The following MEGF10 variants were observed in gnomAD, a reference collection of about 807,000 sequenced individuals.
MEGF10 encodes the protein multiple EGF like domains 10, also known as multiple epidermal growth factor-like domains protein 10.
Under a neutral mutation model 147.5 loss-of-function variants are expected in MEGF10, and 86 were observed. The observed-to-expected ratio is 0.58, with a 90% CI of 0.49 to 0.70. The LOEUF (loss-of-function observed/expected upper bound fraction) is 0.70. MEGF10 is among the 30% of genes least tolerant of loss of function. The pLI, the probability that MEGF10 is intolerant of heterozygous loss-of-function variation, is 0.00. For synonymous variants in MEGF10, 478 were observed against 525.5 expected (o/e 0.91, Z 1.24); for missense variants, 1,329 against 1,487.3 (o/e 0.89, Z 1.75).
the MEGF10 span, among the ~76,000 whole-genome samples, chr5:127,242,944 A>G: frequency 6.6e-6 from 1 of 152,176 alleles, no homozygotes; most frequent in African/African-American, 2.4e-5. Context: ...ACTTCGCCCT[A>G]TCACATTTCC....
At chr5:127,285,811 G>GTATT (rs1759010794), upstream of MEGF10, among the ~76,000 whole-genome samples, 1 of 152,026 alleles carries the variant, frequency 6.6e-6, no homozygotes, top group African/African-American at 2.4e-5. Context: ...CCACTACTGG[G>GTATT]TATTTAATCA....
At chr5:127,342,239 A>T (rs368390444) in intron 4 of MEGF10, among the ~76,000 whole-genome samples, 374 of 152,202 alleles carry the variant, frequency 2.5e-3, no homozygotes, top group African/African-American at 8.6e-3. Flanking sequence ...AGGGGTGGGG[A>T]TTGGGGAGGC....
chr5:127,263,900 C>A, the MEGF10 span, among the ~76,000 whole-genome samples: 1 of 152,080 alleles, frequency 6.6e-6, no homozygotes, highest in African/African-American at 2.4e-5. Context: ...GTGACCAGAG[C>A]CTGCACAATG....
chr5:127,448,620 C>G (rs1281780389), intron 21 of MEGF10, among the ~76,000 whole-genome samples: 1 of 152,134 alleles, frequency 6.6e-6, no homozygotes, highest in African/African-American at 2.4e-5. Context: ...AAATATCACT[C>G]CACATACCCC....
At chr5:127,438,595 C>G (rs1400921471) in intron 17 of MEGF10, 28 bp downstream of exon 17, 2 of 1,610,938 alleles carry the variant, frequency 1.2e-6, no homozygotes, top group Admixed American at 3.3e-5. Flanking sequence ...TGAGGCTCAC[C>G]AAGGGGAGCC....
At chr5:127,449,008 A>G in intron 21 of MEGF10, 91 bp from the exon 22 acceptor site, 2 of 1,531,662 alleles carry the variant, frequency 1.3e-6, no homozygotes, top group South Asian at 1.3e-5. Context: ...GGTCCTCAAT[A>G]TGTGCCCTGG....
At chr5:127,316,593 T>A (rs1398168825) in intron 1 of MEGF10, among the ~76,000 whole-genome samples, 1 of 152,210 alleles carries the variant, frequency 6.6e-6, no homozygotes, top group Non-Finnish European at 1.5e-5. Flanking sequence ...TAAATGATAA[T>A]CTTGACCTTC....
rs114909927 is a variant in MEGF10, at chr5:127,373,086, G to A, written c.412+3084G>A. ...TCATGTATATTTATTTGACATTTTG[G>A]GTTATAAAACAGTATTACATAATTT... is the stretch of plus-strand genomic sequence containing the variant. On this transcript the variant is annotated intron_variant, in intron 5 of 24. Coordinates refer to ENST00000503335, the MANE Select transcript of MEGF10 (RefSeq NM_001256545.2). Among the ~76,000 whole-genome samples the A allele has an allele frequency of 5.2e-3, 792 of 152,110 alleles. 7 individuals are homozygous for A. Among genetic ancestry groups the A allele is most frequent in the African/African-American group, 0.018 (728 of 41,470 alleles).
intron 9 of MEGF10, among the ~76,000 whole-genome samples, chr5:127,411,270 C>T (rs1190060591): frequency 6.6e-6 from 1 of 152,188 alleles, no homozygotes; most frequent in Non-Finnish European, 1.5e-5. Flanking sequence ...TTCTTTCCCT[C>T]CCCCAGGGAC....
chr5:127,393,950 C>G (rs992367623), intron 5 of MEGF10, among the ~76,000 whole-genome samples: 1 of 152,000 alleles, frequency 6.6e-6, no homozygotes, highest in Non-Finnish European at 1.5e-5. Flanking sequence ...TCTGTCCCCT[C>G]AGTTCCTCTA....
At chr5:127,380,067 G>GT (rs5871252) in intron 5 of MEGF10, among the ~76,000 whole-genome samples, 74,020 of 147,450 alleles carry the variant, frequency 0.5, 20,349 homozygotes, top group Middle Eastern at 0.7. Context: ...TTGTTAACTT[G>GT]TTTTTTTTTT....
intron 12 of MEGF10, among the ~76,000 whole-genome samples, chr5:127,421,828 A>G (rs901666515): frequency 6.6e-6 from 1 of 150,946 alleles, no homozygotes. Flanking sequence ...AATTTTTAAG[A>G]TTAGTTTATA....
At chr5:127,231,536 C>T in the MEGF10 span, among the ~76,000 whole-genome samples, 2 of 152,192 alleles carry the variant, frequency 1.3e-5, no homozygotes, top group Non-Finnish European at 2.9e-5. Flanking sequence ...CACATCAACC[C>T]CTTTATTTTC....
intron 20 of MEGF10, among the ~76,000 whole-genome samples, chr5:127,447,182 G>A (rs1286836116): frequency 4.6e-5 from 7 of 151,966 alleles, no homozygotes; most frequent in African/African-American, 1.7e-4. Context: ...TTATTTATTT[G>A]TTTTTTTATT....
At chr5:127,443,559 A>G (rs1165372904) in intron 19 of MEGF10, among the ~76,000 whole-genome samples, 1 of 152,182 alleles carries the variant, frequency 6.6e-6, no homozygotes, top group African/African-American at 2.4e-5. Context: ...TGAAATATCC[A>G]TCACCATGTG....
At chr5:127,278,886 T>G in the MEGF10 span, among the ~76,000 whole-genome samples, 1 of 152,226 alleles carries the variant, frequency 6.6e-6, no homozygotes. Flanking sequence ...GCAAGTGAAC[T>G]AAGGAGTTAT....
intron 5 of MEGF10, among the ~76,000 whole-genome samples, chr5:127,374,624 C>T (rs1231620557): frequency 1.3e-5 from 2 of 152,086 alleles, no homozygotes; most frequent in African/African-American, 2.4e-5. Flanking sequence ...TCATTGGATT[C>T]ATTGCTGGTT....
upstream of MEGF10, among the ~76,000 whole-genome samples, chr5:127,289,702 C>T (rs1171608849): frequency 6.6e-6 from 1 of 152,190 alleles, no homozygotes; most frequent in African/African-American, 2.4e-5. Flanking sequence ...TTTATTCACT[C>T]AAACATAATA....
intron 19 of MEGF10, chr5:127,444,807 T>A (rs1765880341): frequency 6.6e-6 from 1 of 152,504 alleles, no homozygotes. Context: ...CCATTGAAAT[T>A]AGCAAAAGGT....
Sources: allele counts gnomAD v4.1 joint callset (sites outside exome capture counted in the v4.1 genomes callset), GRCh38; gene constraint gnomAD v4.1.1; transcripts MANE v1.5; gene names NCBI Gene and HGNC (gene_info 2026-07-23, HGNC 2026-07-21).